The following DNA2 variants were observed in gnomAD, a reference collection of about 807,000 sequenced individuals.
The protein encoded by DNA2 is DNA replication helicase/nuclease 2, also known as DNA replication ATP-dependent helicase/nuclease DNA2.
In DNA2, 101 loss-of-function variants were observed where a neutral mutation model predicts 119.1. The observed-to-expected ratio is 0.85, with a 90% CI of 0.72 to 1.00. The LOEUF is 1.00. DNA2 is among the 50% of genes least tolerant of loss of function. The pLI is 0.00. For missense variants in DNA2, 1,121 were observed against 1,255.5 expected, an observed-to-expected ratio of 0.89 and a Z score of 1.62; for synonymous variants, 366 against 424.4, an observed-to-expected ratio of 0.86 and a Z score of 1.69.
chr10:68,429,766 T>C (rs111884347), intron 14 of DNA2, among the ~76,000 whole-genome samples: 5,091 of 131,488 alleles, frequency 0.039, 272 homozygotes, highest in African/African-American at 0.13. Context: ...CCAGTATAAA[T>C]AAACATTAAA....
In DNA2 at chr10:68,422,751, ACAAATCTC is replaced by A; in HGVS notation, c.2340_2347del (p.Arg781ValfsTer16). ...AAGCTGCTGATGGTCCCCCACTAAC[ACAAATCTC>A]CGTGAAAAAAAAAGGGGGCCCAGAC... On this transcript the variant is annotated frameshift_variant, in exon 15 of 21. Coordinates refer to ENST00000358410, the MANE Select transcript of DNA2 (RefSeq NM_001080449.3). LOFTEE classifies it high-confidence loss of function. 6.2e-7 allele frequency: 1 copy of A among 1,611,712 alleles called. No homozygotes were observed. The highest frequency in any genetic ancestry group is 8.5e-7 in the Non-Finnish European group (1 of 1,179,424).
chr10:68,452,051 T>C (rs1292780177), intron 5 of DNA2, among the ~76,000 whole-genome samples: 2 of 152,162 alleles, frequency 1.3e-5, no homozygotes, highest in African/African-American at 4.8e-5. Context: ...AGTAGTGCAA[T>C]TCAGAGAAGC....
rs773767457 is a variant in DNA2 at position 68,432,206 on chromosome 10, C to G, written c.1873G>C (p.Gly625Arg). 3.9e-6 allele frequency: 6 copies of G among 1,557,028 alleles called. No homozygotes were observed. The highest frequency in any genetic ancestry group is 5.2e-6 in the Non-Finnish European group (6 of 1,144,602). The change falls in exon 12 of 21, where the codon GGT becomes CGT. Residue 625 changes from glycine (G) to arginine (R), a missense_variant and splice_region_variant. Coordinates refer to ENST00000358410, the MANE Select transcript of DNA2 (RefSeq NM_001080449.3). ...AGCAGACATGGTGATTTTAGCATAC[C>G]CTTTAGAATGCAGGCAACTGTATCC... Reference protein sequence around the residue: ...AKDTVACILKGLNKPQRQAMK... With the variant: ...AKDTVACILKRLNKPQRQAMK...
chr10:68,445,715 C>A (rs1194867240), intron 7 of DNA2, among the ~76,000 whole-genome samples: 1 of 151,862 alleles, frequency 6.6e-6, no homozygotes, highest in East Asian at 1.9e-4. Context: ...ATAAATACAG[C>A]TATCTAGAAT....
intron 4 of DNA2, among the ~76,000 whole-genome samples, chr10:68,464,912 G>C (rs1207697087): frequency 6.6e-6 from 1 of 150,568 alleles, no homozygotes; most frequent in Non-Finnish European, 1.5e-5. Context: ...AGATACTCAG[G>C]AGGCTGAGGT....
rs192920467 is a variant in DNA2, at chr10:68,429,878, C to T, written c.2208+558G>A. ...TTCTAATTCAAACTTACTAAAAAAC[C>T]CGGATTTTTTTTTTTTTTTTTTGAG... On this transcript the variant is annotated intron_variant, in intron 14 of 20. Coordinates refer to ENST00000358410, the MANE Select transcript of DNA2 (RefSeq NM_001080449.3). Among the ~76,000 whole-genome samples the T allele has an allele frequency of 1.1e-3, 164 of 146,886 alleles. 2 individuals are homozygous for T. Among genetic ancestry groups the T allele is most frequent in the African/African-American group, 4.1e-3 (159 of 39,194 alleles).
intron 8 of DNA2, among the ~76,000 whole-genome samples, chr10:68,444,317 G>C (rs1016089984): frequency 6.6e-6 from 1 of 151,936 alleles, no homozygotes; most frequent in Non-Finnish European, 1.5e-5. Flanking sequence ...TTGAACTAGG[G>C]AGGCGGAGGT....
intron 19 of DNA2, among the ~76,000 whole-genome samples, chr10:68,418,708 C>G (rs10998149): frequency 0.073 from 10,192 of 139,628 alleles, 555 homozygotes; most frequent in African/African-American, 0.16. Flanking sequence ...GAGTCTTGCT[C>G]TGTCGCCCAG....
intron 4 of DNA2, among the ~76,000 whole-genome samples, chr10:68,461,788 A>G (rs942496456): frequency 1.4e-5 from 2 of 147,328 alleles, no homozygotes; most frequent in South Asian, 2.2e-4. Context: ...AGATCATGCC[A>G]CTGCACTCCA....
At chr10:68,463,393 G>C (rs1360833536) in intron 4 of DNA2, among the ~76,000 whole-genome samples, 1 of 133,412 alleles carries the variant, frequency 7.5e-6, no homozygotes, top group Admixed American at 7.8e-5. Flanking sequence ...GCAGTGAGCC[G>C]AGATTGTGCC....
intron 3 of DNA2, among the ~76,000 whole-genome samples, chr10:68,466,434 A>T (rs189815480): frequency 2.6e-5 from 4 of 152,306 alleles, no homozygotes; most frequent in Admixed American, 6.5e-5. Context: ...GATACCATTC[A>T]AACATAAAAT....
chr10:68,452,083 T>A (rs1402719363), intron 5 of DNA2, among the ~76,000 whole-genome samples: 2 of 152,098 alleles, frequency 1.3e-5, no homozygotes, highest in African/African-American at 4.8e-5. Flanking sequence ...TAAAATTTCT[T>A]TTTCTTTCTT....
intron 13 of DNA2, among the ~76,000 whole-genome samples, chr10:68,430,976 AAATTC>A (rs2051812609): frequency 6.6e-6 from 1 of 152,084 alleles, no homozygotes; most frequent in Non-Finnish European, 1.5e-5. Flanking sequence ...TCTTTTTAAA[AAATTC>A]TTTTTTTAAT....
chr10:68,455,591 T>G (rs2052171832), intron 5 of DNA2, among the ~76,000 whole-genome samples: 1 of 151,118 alleles, frequency 6.6e-6, no homozygotes, highest in Non-Finnish European at 1.5e-5. Context: ...GAGGCTGAGG[T>G]GGGTGGATCA....
intron 8 of DNA2, among the ~76,000 whole-genome samples, 196 bp downstream of exon 8, chr10:68,444,725 C>CAAAAAAAA (rs11356540): frequency 8.5e-6 from 1 of 117,912 alleles, no homozygotes. Context: ...AAGTCCGTCT[C>CAAAAAAAA]AAAAAAAAAA....
At chr10:68,424,869 G>A (rs1452905653) in intron 14 of DNA2, 2 of 766,072 alleles carry the variant, frequency 2.6e-6, no homozygotes, top group Non-Finnish European at 2.4e-6. Flanking sequence ...CCCAAACAAG[G>A]TGGTTATCAC....
intron 5 of DNA2, among the ~76,000 whole-genome samples, chr10:68,454,682 T>A (rs978683703): frequency 1.3e-5 from 2 of 151,838 alleles, no homozygotes; most frequent in African/African-American, 4.8e-5. Context: ...GGCAGGCGCC[T>A]GTAATCCCAG....
chr10:68,450,343 G>T, intron 5 of DNA2, 96 bp from the exon 6 acceptor site: 1 of 957,838 alleles, frequency 1.0e-6, no homozygotes, highest in Non-Finnish European at 1.6e-6. Context: ...GAGAATGTGG[G>T]GAGGGGAAAG....
At chr10:68,439,555 T>C (rs1294495507) in intron 9 of DNA2, among the ~76,000 whole-genome samples, 1 of 148,326 alleles carries the variant, frequency 6.7e-6, no homozygotes, top group African/African-American at 2.5e-5. Context: ...TACAAAAAAA[T>C]AGCCAGGTGC....
Sources: gnomAD v4.1 joint callset for allele counts (sites outside exome capture counted in the v4.1 genomes callset) on GRCh38, gnomAD v4.1.1 for gene constraint, MANE v1.5 for transcripts, NCBI Gene and HGNC (gene_info 2026-07-23, HGNC 2026-07-21) for gene names.